TGFBR1: variants seen among roughly 807,000 people sequenced by gnomAD.
TGFBR1 encodes transforming growth factor beta receptor 1.
In TGFBR1, 20 loss-of-function variants were observed where a neutral mutation model predicts 55.1. That is an observed-to-expected ratio of 0.36 (90% CI 0.26 to 0.53). The LOEUF is 0.53. Ranked by LOEUF, TGFBR1 falls within the 20% of genes least tolerant of loss-of-function variation. The pLI is 0.91. For synonymous variants in TGFBR1, 220 were observed against 214.8 expected (o/e 1.02, Z -0.21); for missense variants, 385 against 617.6 (o/e 0.62, Z 3.99).
chr9:99,105,282 C>T lies in TGFBR1; in HGVS notation c.77C>T (p.Ala26Val). 1 of 1,007,384 alleles carries T rather than the reference C, an allele frequency of 9.9e-7. No individual in the cohort carries two copies. The highest frequency in any genetic ancestry group is 1.2e-6 in the Non-Finnish European group (1 of 847,978). The allele number at this position is 1,007,384 out of a possible 1,614,324, so 62.4% of individuals were successfully genotyped here. A position where few individuals can be genotyped will look rare whatever the true frequency, so the allele number is the denominator to read the frequency against. Residue 26 changes from alanine to valine, a missense_variant, in exon 1 of 9, where the codon GCG (alanine) becomes GTG (valine). This residue lies in a region of TGFBR1 where 37 missense variants were observed against 40.2 expected (regional missense o/e 0.92). Coordinates refer to ENST00000374994, the MANE Select transcript of TGFBR1 (RefSeq NM_004612.4). ...VLAAAAAAAA[A>V]LLPGATALQC... ...GCGGCGGCGGCGGCGGCGGCGGCGG[C>T]GCTGCTCCCGGGGGCGACGGGTGAG... is the stretch of plus-strand genomic sequence containing the variant.
chr9:99,127,898 G>A (rs1191121464), intron 1 of TGFBR1: 5 of 455,654 alleles, frequency 1.1e-5, no homozygotes, highest in African/African-American at 4.0e-5. Context: ...CTGTGCATGA[G>A]GCATGGTGTT....
chr9:99,144,011 G>A (rs969059915), intron 5 of TGFBR1, among the ~76,000 whole-genome samples: 1 of 152,232 alleles, frequency 6.6e-6, no homozygotes, highest in Non-Finnish European at 1.5e-5. Context: ...TAATACTTCA[G>A]TGTATGGATA....
Position 99,132,758 on chromosome 9 carries a change from C to A in TGFBR1, c.574+19C>A. Reference sequence around the variant, plus strand: ...GGCTCAGGTAACATAATTGTTTCTCCTTTTTCCTAAGACATCTTTTTAAAA... The same window carrying A: ...GGCTCAGGTAACATAATTGTTTCTCATTTTTCCTAAGACATCTTTTTAAAA... On this transcript the variant is annotated intron_variant, in intron 3 of 8. Transcript: ENST00000374994. The A allele has an allele frequency of 1.2e-6, 2 of 1,613,746 alleles. No individual in the cohort carries two copies. Among genetic ancestry groups the A allele is most frequent in the Non-Finnish European group, 1.7e-6 (2 of 1,179,924 alleles).
intron 1 of TGFBR1, among the ~76,000 whole-genome samples, chr9:99,105,916 C>G (rs1259091232): frequency 1.3e-5 from 2 of 152,210 alleles, no homozygotes; most frequent in Admixed American, 1.3e-4. Context: ...CGGCTCGACC[C>G]GAGCCGACCC....
At position 99,150,535 on chromosome 9, in the gene TGFBR1, C is replaced by T. The variant is rs1002839826; in HGVS notation, c.*1230C>T. On this transcript the variant is annotated 3_prime_UTR_variant, in exon 9 of 9. Transcript: ENST00000374994. ...AGATAACAGATGTGCAAGAAAGTCA[C>T]ATTTGTTATGTATGTAGGAGTAAAC... The T allele has an allele frequency of 4.7e-6, 1 of 214,956 alleles. No homozygotes were observed. The highest frequency in any genetic ancestry group is 2.3e-5 in the African/African-American group (1 of 44,388). The allele number at this position is 214,956 out of a possible 1,614,324, so 13.3% of individuals were successfully genotyped here.
rs1438216622 is a variant in TGFBR1 at position 99,149,737 on chromosome 9, TAG to T, written c.*435_*436del. The T allele has an allele frequency of 3.9e-6, 1 of 253,330 alleles. No individual in the cohort carries two copies. The highest frequency in any genetic ancestry group is 7.8e-6 in the Non-Finnish European group (1 of 128,938). 15.7% of individuals were successfully genotyped at this position (253,330 alleles called of 1,614,324 possible). On this transcript the variant is annotated 3_prime_UTR_variant, in exon 9 of 9. Coordinates refer to ENST00000374994, the MANE Select transcript of TGFBR1 (RefSeq NM_004612.4). Reference sequence around the variant, plus strand: ...ACATTCTCAGAGGATTCTGAACCACTAGAGTTTCCTTGATTCAGACTTTGAAT... The same window carrying T: ...ACATTCTCAGAGGATTCTGAACCACTAGTTTCCTTGATTCAGACTTTGAAT...
chr9:99,139,549 CCTAA>C (rs1428512585), intron 4 of TGFBR1, among the ~76,000 whole-genome samples: 10 of 152,110 alleles, frequency 6.6e-5, no homozygotes, highest in South Asian at 2.1e-4. Flanking sequence ...CCTACTCTGC[CCTAA>C]CTGTGTTATT....
In TGFBR1 at chr9:99,132,433, AT is replaced by A. The variant is rs193922675; in HGVS notation, c.344-74del. 531 of 1,595,208 alleles carry A rather than the reference AT, an allele frequency of 3.3e-4. No homozygotes were observed. Among genetic ancestry groups the A allele is most frequent in the Non-Finnish European group, 4.3e-4 (507 of 1,175,484 alleles). ...TGGCCAGCTGCAGGAATTGTGTAGG[AT>A]TGGGAAAATGGGGGTTGCCACCTAC... On this transcript the variant is annotated intron_variant, in intron 2 of 8. Transcript: ENST00000374994.
At chr9:99,135,652 C>T (rs1209504901) in intron 3 of TGFBR1, among the ~76,000 whole-genome samples, 1 of 152,062 alleles carries the variant, frequency 6.6e-6, no homozygotes, top group Non-Finnish European at 1.5e-5. Context: ...TTTGTTATGG[C>T]GTGTGCAGCT....
Position 99,151,797 on chromosome 9 carries a change from TA to T in TGFBR1, c.*2496del. The T allele has an allele frequency of 4.6e-6, 1 of 216,356 alleles. No homozygotes were observed. The highest frequency in any genetic ancestry group is 9.3e-6 in the Non-Finnish European group (1 of 107,090). The allele number at this position is 216,356 out of a possible 1,614,324, so 13.4% of individuals were successfully genotyped here. ...GCTGATATTGAAAATGAAAGAAACTTAAAAGGTGGGATGGATCATGATTACT... is the reference window on the plus strand; with the variant it reads ...GCTGATATTGAAAATGAAAGAAACTTAAAGGTGGGATGGATCATGATTACT... On this transcript the variant is annotated 3_prime_UTR_variant, in exon 9 of 9. Coordinates refer to ENST00000374994, the MANE Select transcript of TGFBR1 (RefSeq NM_004612.4).
intron 1 of TGFBR1, among the ~76,000 whole-genome samples, chr9:99,108,005 T>C (rs1465756675): frequency 6.6e-6 from 1 of 152,224 alleles, no homozygotes; most frequent in Non-Finnish European, 1.5e-5. Flanking sequence ...TACTTAACTC[T>C]ACTTGAATGC....
At chr9:99,112,952 T>C (rs950149106) in intron 1 of TGFBR1, among the ~76,000 whole-genome samples, 3 of 152,066 alleles carry the variant, frequency 2.0e-5, no homozygotes, top group Non-Finnish European at 4.4e-5. Context: ...TCTTTCTCTT[T>C]TGGGGGTAGG....
chr9:99,119,835 A>G (rs935683602), intron 1 of TGFBR1, among the ~76,000 whole-genome samples: 2 of 152,204 alleles, frequency 1.3e-5, no homozygotes, highest in African/African-American at 4.8e-5. Context: ...GAAAGAGCTG[A>G]TAGGTACCAT....
At chr9:99,129,149 A>T in intron 2 of TGFBR1, 49 bp downstream of exon 2, 1 of 1,592,104 alleles carries the variant, frequency 6.3e-7, no homozygotes, top group Non-Finnish European at 8.6e-7. Flanking sequence ...AAAACTCTTC[A>T]TACTCTGTGA....
At chr9:99,107,721 A>T (rs1161963193) in intron 1 of TGFBR1, among the ~76,000 whole-genome samples, 1 of 152,206 alleles carries the variant, frequency 6.6e-6, no homozygotes, top group East Asian at 1.9e-4. Flanking sequence ...CAGCACTTAG[A>T]ACAACACTTA....
At chr9:99,113,333 G>A (rs952058371) in intron 1 of TGFBR1, among the ~76,000 whole-genome samples, 8 of 152,116 alleles carry the variant, frequency 5.3e-5, no homozygotes, top group African/African-American at 1.9e-4. Flanking sequence ...CTCCCTGATG[G>A]CTATCCTTTT....
chr9:99,108,250 T>G (rs952820830), intron 1 of TGFBR1, among the ~76,000 whole-genome samples: 3 of 151,684 alleles, frequency 2.0e-5, no homozygotes. Context: ...TTATTTGTCC[T>G]ACCTTCACCA....
At chr9:99,113,367 T>A (rs1239852090) in intron 1 of TGFBR1, among the ~76,000 whole-genome samples, 1 of 152,228 alleles carries the variant, frequency 6.6e-6, no homozygotes, top group Non-Finnish European at 1.5e-5. Context: ...GTTGTTTTTC[T>A]CAATGAACCA....
chr9:99,141,544 AAAGT>A (rs1213188314), intron 4 of TGFBR1, among the ~76,000 whole-genome samples: 1 of 152,220 alleles, frequency 6.6e-6, no homozygotes, highest in Non-Finnish European at 1.5e-5. Context: ...ACAGTCTTAC[AAAGT>A]AAGACTTTAT....
Sources: gnomAD v4.1 joint callset for allele counts (sites outside exome capture counted in the v4.1 genomes callset) on GRCh38, gnomAD v4.1.1 for gene constraint, gnomAD v4.1.1 regional missense constraint, MANE v1.5 for transcripts, NCBI Gene and HGNC (gene_info 2026-07-23, HGNC 2026-07-21) for gene names.